SH3RF3: variants seen among roughly 807,000 people sequenced by gnomAD.
SH3RF3 encodes the protein E3 ubiquitin-protein ligase SH3RF3.
SH3RF3 carries 29 observed loss-of-function variants against 66.3 expected under a neutral mutation model. The observed-to-expected ratio is 0.44, with a 90% CI of 0.33 to 0.60. The LOEUF is 0.60. SH3RF3 is among the 20% of genes least tolerant of loss of function. The pLI, the probability that SH3RF3 is intolerant of heterozygous loss-of-function variation, is 0.04. For synonymous variants in SH3RF3, 583 were observed against 532.0 expected (o/e 1.10, Z -1.32); for missense variants, 1,194 against 1,190.9 (o/e 1.00, Z -0.04).
intron 1 of SH3RF3, among the ~76,000 whole-genome samples, chr2:109,325,219 C>T (rs1306662367): frequency 6.6e-6 from 1 of 151,852 alleles, no homozygotes; most frequent in African/African-American, 2.4e-5. Flanking sequence ...CTCCAGCTGG[C>T]ATGGCTGGAG....
At chr2:109,489,130 G>A (rs1257114478) in intron 8 of SH3RF3, among the ~76,000 whole-genome samples, 3 of 152,238 alleles carry the variant, frequency 2.0e-5, no homozygotes, top group South Asian at 4.1e-4. Context: ...CTTGCCCAGG[G>A]CACACCTTCA....
At chr2:109,302,029 GA>G (rs1208827902) in intron 1 of SH3RF3, among the ~76,000 whole-genome samples, 1 of 152,212 alleles carries the variant, frequency 6.6e-6, no homozygotes, top group Non-Finnish European at 1.5e-5. Context: ...GGAAGCCATA[GA>G]GGTTTTTCTT....
At chr2:109,230,412 A>G (rs1679478798) in intron 1 of SH3RF3, among the ~76,000 whole-genome samples, 1 of 150,960 alleles carries the variant, frequency 6.6e-6, no homozygotes, top group African/African-American at 2.4e-5. Flanking sequence ...CCCCATCTTT[A>G]CTAAAAAAAA....
chr2:109,139,419 G>C (rs1475766731), intron 1 of SH3RF3, among the ~76,000 whole-genome samples: 2 of 152,078 alleles, frequency 1.3e-5, no homozygotes, highest in Non-Finnish European at 1.5e-5. Flanking sequence ...AAAGGTGAAT[G>C]CTCTCACACA....
intron 9 of SH3RF3, among the ~76,000 whole-genome samples, chr2:109,499,464 C>CT (rs1410313997): frequency 6.6e-6 from 1 of 152,198 alleles, no homozygotes; most frequent in Non-Finnish European, 1.5e-5. Context: ...TCTCTCAGCC[C>CT]TTACTGCACA....
chr2:109,185,983 C>T (rs935082631), intron 1 of SH3RF3, among the ~76,000 whole-genome samples: 4 of 152,208 alleles, frequency 2.6e-5, no homozygotes, highest in Admixed American at 2.6e-4. Context: ...TTGGCTGTCA[C>T]GAGCACATTT....
At chr2:109,306,943 A>G (rs548477592) in intron 1 of SH3RF3, among the ~76,000 whole-genome samples, 4 of 152,322 alleles carry the variant, frequency 2.6e-5, no homozygotes, top group East Asian at 3.9e-4. Context: ...ATGGTGTGCT[A>G]TGGAGGTGTT....
chr2:109,197,373 G>C (rs1419875174), intron 1 of SH3RF3, among the ~76,000 whole-genome samples: 1 of 152,216 alleles, frequency 6.6e-6, no homozygotes, highest in East Asian at 1.9e-4. Flanking sequence ...TTGGACTTCA[G>C]TCTTTCCTCT....
At chr2:109,223,700 A>G (rs10203490) in intron 1 of SH3RF3, among the ~76,000 whole-genome samples, 112,220 of 152,110 alleles carry the variant, frequency 0.74, 41,954 homozygotes, top group East Asian at 0.89. Flanking sequence ...ATGCTGCCCC[A>G]ACGTGGAGAT....
intron 1 of SH3RF3, among the ~76,000 whole-genome samples, chr2:109,253,391 G>C (rs1489175756): frequency 6.6e-6 from 1 of 152,204 alleles, no homozygotes; most frequent in African/African-American, 2.4e-5. Flanking sequence ...ACAAAGAAGA[G>C]GCCCCAGGAT....
intron 3 of SH3RF3, among the ~76,000 whole-genome samples, 174 bp from the exon 4 acceptor site, chr2:109,398,416 T>G (rs1463905062): frequency 2.0e-5 from 3 of 152,182 alleles, no homozygotes; most frequent in African/African-American, 7.2e-5. Flanking sequence ...TCCAAAAACC[T>G]TTTCAATAAA....
At chr2:109,248,815 TTTTCTCTC>T (rs995990741) in intron 1 of SH3RF3, among the ~76,000 whole-genome samples, 8 of 151,628 alleles carry the variant, frequency 5.3e-5, no homozygotes, top group Admixed American at 3.9e-4. Context: ...TTCTCTTTCG[TTTTCTCTC>T]TTTCTCTCTT....
chr2:109,132,462 C>A (rs538474581), intron 1 of SH3RF3, among the ~76,000 whole-genome samples: 1 of 152,302 alleles, frequency 6.6e-6, no homozygotes, highest in African/African-American at 2.4e-5. Context: ...AGTCCCCTGA[C>A]GTGGTTAGCA....
chr2:109,495,559 G>GCCCACTGCAACCTCCGCCT (rs1476616807), intron 9 of SH3RF3, among the ~76,000 whole-genome samples: 1 of 133,048 alleles, frequency 7.5e-6, no homozygotes, highest in Non-Finnish European at 1.5e-5. Context: ...TGCAATCTTG[G>GCCCACTGCAACCTCCGCCT]CCCACTGCAA....
At chr2:109,362,323 A>G (rs75281001) in intron 2 of SH3RF3, among the ~76,000 whole-genome samples, 1,864 of 152,272 alleles carry the variant, frequency 0.012, 39 homozygotes, top group African/African-American at 0.037. Flanking sequence ...TCTAAGACCC[A>G]AGTGTTACTT....
At chr2:109,482,883 T>C (rs1678872617) in intron 8 of SH3RF3, among the ~76,000 whole-genome samples, 1 of 152,230 alleles carries the variant, frequency 6.6e-6, no homozygotes, top group Admixed American at 6.6e-5. Context: ...TCCCGTTCCC[T>C]GCTATTTTCA....
chr2:109,186,404 C>T (rs537557977), intron 1 of SH3RF3, among the ~76,000 whole-genome samples: 1 of 152,194 alleles, frequency 6.6e-6, no homozygotes, highest in Non-Finnish European at 1.5e-5. Context: ...GGCGGAGCCT[C>T]GATACGAACC....
At chr2:109,249,406 G>C (rs1558981027) in intron 1 of SH3RF3, among the ~76,000 whole-genome samples, 1 of 152,130 alleles carries the variant, frequency 6.6e-6, no homozygotes, top group Non-Finnish European at 1.5e-5. Flanking sequence ...AGAGGATCTG[G>C]AGAATTGTTG....
intron 3 of SH3RF3, among the ~76,000 whole-genome samples, chr2:109,381,593 C>G (rs1675671840): frequency 6.6e-6 from 1 of 152,014 alleles, no homozygotes. Flanking sequence ...CCTTTCACTT[C>G]TACCTTTCCT....
Sources: allele counts gnomAD v4.1 joint callset (sites outside exome capture counted in the v4.1 genomes callset), GRCh38; gene constraint gnomAD v4.1.1; transcripts MANE v1.5; gene names NCBI Gene and HGNC (gene_info 2026-07-23, HGNC 2026-07-21).